ITGA2: variants seen among roughly 807,000 people sequenced by gnomAD.
ITGA2 encodes the protein integrin subunit alpha 2, also known as integrin alpha-2.
In ITGA2, 101 loss-of-function variants were observed where a neutral mutation model predicts 146.3. That is an observed-to-expected ratio of 0.69 (90% CI 0.59 to 0.81). ITGA2 has a LOEUF of 0.81. Among genes scored for constraint, ITGA2 ranks in the 40% least tolerant of loss-of-function variants. The probability of loss-of-function intolerance (pLI) is 0.00; values close to 1 mark genes in which losing one functional copy is unlikely to be tolerated. For missense variants in ITGA2, 1,281 were observed against 1,402.7 expected (o/e 0.91, Z 1.39); for synonymous variants, 477 against 487.1 (o/e 0.98, Z 0.27).
At chr5:53,022,219 T>G (rs1946268) in intron 1 of ITGA2, among the ~76,000 whole-genome samples, 14,891 of 150,692 alleles carry the variant, frequency 0.099, 919 homozygotes, top group East Asian at 0.21. Flanking sequence ...TTTTTTTTTT[T>G]GGGGGACAGG....
chr5:53,034,903 C>A (rs565985712), intron 2 of ITGA2, among the ~76,000 whole-genome samples: 1 of 152,216 alleles, frequency 6.6e-6, no homozygotes, highest in African/African-American at 2.4e-5. Context: ...TAAAAAGAAC[C>A]AGCAATTTTG....
intron 2 of ITGA2, among the ~76,000 whole-genome samples, chr5:53,027,988 G>A (rs1158069204): frequency 6.6e-6 from 1 of 152,042 alleles, no homozygotes; most frequent in African/African-American, 2.4e-5. Flanking sequence ...AGCCGAGCTG[G>A]GAGGTTGGCT....
At chr5:53,071,292 T>G (rs1745383762) in intron 17 of ITGA2, among the ~76,000 whole-genome samples, 1 of 151,912 alleles carries the variant, frequency 6.6e-6, no homozygotes, top group African/African-American at 2.4e-5. Context: ...TCCCATCCTG[T>G]GCTGACTGGT....
intron 1 of ITGA2, among the ~76,000 whole-genome samples, chr5:53,004,215 G>T (rs1232602052): frequency 6.6e-6 from 1 of 152,010 alleles, no homozygotes; most frequent in Non-Finnish European, 1.5e-5. Flanking sequence ...TGCACTAAAT[G>T]AACATATATT....
intron 1 of ITGA2, among the ~76,000 whole-genome samples, chr5:53,012,125 A>G (rs1242424522): frequency 6.6e-6 from 1 of 152,160 alleles, no homozygotes; most frequent in Non-Finnish European, 1.5e-5. Context: ...TAGAGTGGAG[A>G]TTCCCTCAGG....
chr5:53,073,944 T>TAAAAAAA (rs376587596), intron 20 of ITGA2, among the ~76,000 whole-genome samples: 5 of 67,816 alleles, frequency 7.4e-5, no homozygotes, highest in South Asian at 1.1e-3. Flanking sequence ...TGAAGAAAAC[T>TAAAAAAA]AAAAAAAAAA....
At chr5:53,052,138 G>A (rs968656985) in intron 7 of ITGA2, among the ~76,000 whole-genome samples, 1 of 151,476 alleles carries the variant, frequency 6.6e-6, no homozygotes, top group Non-Finnish European at 1.5e-5. Context: ...TGTGCAGAAC[G>A]TGCAGGTTCA....
chr5:53,070,405 A>C, intron 17 of ITGA2, 145 bp downstream of exon 17: 2 of 735,090 alleles, frequency 2.7e-6, no homozygotes, highest in Non-Finnish European at 4.7e-6. Context: ...AATAAGAAGC[A>C]TATTTACTTT....
At chr5:53,064,635 T>C (rs1745062762) in intron 13 of ITGA2, among the ~76,000 whole-genome samples, 1 of 151,940 alleles carries the variant, frequency 6.6e-6, no homozygotes, top group African/African-American at 2.4e-5. Context: ...CTCTAATTCC[T>C]AGGCTCAAGC....
At chr5:53,076,141 T>C (rs1409824939) in intron 23 of ITGA2, among the ~76,000 whole-genome samples, 1 of 152,044 alleles carries the variant, frequency 6.6e-6, no homozygotes, top group Admixed American at 6.6e-5. Context: ...GCAGATGCAC[T>C]GGGCACAGGT....
rs552194525 is a variant in ITGA2, at chr5:53,040,375, C to T, written c.186-1737C>T. On this transcript the variant is annotated intron_variant, in intron 2 of 29. Transcript: ENST00000296585. ...TGGAGAAAATCAAGGCTCTGGAAGACAATTTTCTTGGTACCGACTCTATAA... is the reference window on the plus strand; with the variant it reads ...TGGAGAAAATCAAGGCTCTGGAAGATAATTTTCTTGGTACCGACTCTATAA... Among the ~76,000 whole-genome samples the T allele has an allele frequency of 1.1e-4, 17 of 152,280 alleles. 1 individual carries two copies. The highest frequency in any genetic ancestry group is 3.9e-4 in the African/African-American group (16 of 41,552).
rs754322079 is a variant in ITGA2 at position 53,083,439 on chromosome 5, G to A, written c.3244G>A (p.Gly1082Arg). 6.3e-6 allele frequency: 10 copies of A among 1,595,368 alleles called. No individual in the cohort carries two copies. Among genetic ancestry groups the A allele is most frequent in the South Asian group, 4.4e-5 (4 of 90,662 alleles). ...TAATGTGACTACCAGAATTTGGAAC[G>A]GGACTTTCGCATCAGTAAGTATCAG... ...FVNVTTRIWN[G>R]TFASSTFQTV... Residue 1082 changes from glycine (G) to arginine (R), a missense_variant, in exon 27 of 30, where the codon GGG becomes AGG. Gly to Arg is a moderately radical substitution (Grantham distance 125). Coordinates refer to ENST00000296585, the MANE Select transcript of ITGA2 (RefSeq NM_002203.4).
At position 53,093,797 on chromosome 5, in the gene ITGA2, C is replaced by T. The variant is rs957974478; in HGVS notation, c.*3198C>T. The T allele has an allele frequency of 1.3e-5, 2 of 152,564 alleles. No individual in the cohort carries two copies. The highest frequency in any genetic ancestry group is 1.3e-4 in the Admixed American group (2 of 15,278). 9.5% of individuals were successfully genotyped at this position (152,564 alleles called of 1,614,324 possible). ...CAAGGTCTATAGAATGTGGTAAAAA[C>T]TTGACTGCAACACAAGGCTTATAAA... On this transcript the variant is annotated 3_prime_UTR_variant, in exon 30 of 30. Coordinates refer to ENST00000296585, the MANE Select transcript of ITGA2 (RefSeq NM_002203.4).
At chr5:53,073,299 C>T (rs896648543) in intron 20 of ITGA2, 40 bp downstream of exon 20, 1 of 1,603,836 alleles carries the variant, frequency 6.2e-7, no homozygotes, top group African/African-American at 1.3e-5. Context: ...ACCATGCTTC[C>T]TACTTATAGA....
chr5:53,005,580 CAA>C (rs5867858), intron 1 of ITGA2, among the ~76,000 whole-genome samples: 443 of 137,272 alleles, frequency 3.2e-3, no homozygotes, highest in East Asian at 3.2e-3. Context: ...GACTCTGTGT[CAA>C]AAAAAAAAAA....
rs144548308 is a variant in ITGA2 at position 53,074,345 on chromosome 5, T to C, written c.2572-40T>C. 4.5e-4 allele frequency: 697 copies of C among 1,532,638 alleles called. 5 individuals are homozygous for C. The African/African-American group carries it at 8.9e-3, about 20-fold the overall frequency. The allele number at this position is 1,532,638 out of a possible 1,614,324, so 94.9% of individuals were successfully genotyped here. ...TGCGTGCATACACACACAAATGTTG[T>C]ATGCCAATTGATCATTGTTGTTTCC... is the stretch of plus-strand genomic sequence containing the variant. On this transcript the variant is annotated intron_variant, in intron 20 of 29. Transcript: ENST00000296585.
rs982229938 is a variant in ITGA2 at position 53,094,202 on chromosome 5, C to T, written c.*3603C>T. 1.9e-5 allele frequency: 1 copy of T among 52,024 alleles called. No individual in the cohort carries two copies. The highest frequency in any genetic ancestry group is 5.6e-4 in the South Asian group (1 of 1,798). The allele number at this position is 52,024 out of a possible 1,614,324, so 3.2% of individuals were successfully genotyped here. On this transcript the variant is annotated 3_prime_UTR_variant, in exon 30 of 30. Transcript: ENST00000296585. ...CAATTTGCACACATAAAACAATGCC[C>T]TTTTGTGTACATTCAGGCATACCCA...
rs760658074 is a variant in ITGA2, at chr5:53,051,404, G to A, written c.631-7G>A. ...CAGCCCATTAATAAATGTCTCCTCTGTTGAAGGTGGGGTTAATTCAGTATG... is the reference window on the plus strand; with the variant it reads ...CAGCCCATTAATAAATGTCTCCTCTATTGAAGGTGGGGTTAATTCAGTATG... On this transcript the variant is annotated splice_polypyrimidine_tract_variant and splice_region_variant and intron_variant, in intron 6 of 29. Transcript: ENST00000296585. 6.2e-7 allele frequency: 1 copy of A among 1,612,830 alleles called. No homozygotes were observed. Among genetic ancestry groups the A allele is most frequent in the Non-Finnish European group, 8.5e-7 (1 of 1,179,046 alleles).
intron 16 of ITGA2, among the ~76,000 whole-genome samples, chr5:53,068,227 A>T (rs752265405): frequency 2.0e-5 from 3 of 151,944 alleles, no homozygotes; most frequent in Non-Finnish European, 4.4e-5. Context: ...AAATCTTAAC[A>T]TGCTTTCCAT....
Sources: allele counts gnomAD v4.1 joint callset (sites outside exome capture counted in the v4.1 genomes callset), GRCh38; gene constraint gnomAD v4.1.1; transcripts MANE v1.5; gene names NCBI Gene and HGNC (gene_info 2026-07-23, HGNC 2026-07-21).